Variants in EPB41L2 observed in about 807,000 individuals in gnomAD.
EPB41L2 encodes band 4.1-like protein 2.
In EPB41L2, 43 loss-of-function variants were observed where a neutral mutation model predicts 113.0. The observed-to-expected ratio is 0.38, with a 90% confidence interval of 0.30 to 0.49. The LOEUF (loss-of-function observed/expected upper bound fraction) is 0.49. EPB41L2 is among the 20% of genes least tolerant of loss of function. The probability of loss-of-function intolerance (pLI) is 0.95; values close to 1 mark genes in which losing one functional copy is unlikely to be tolerated. For missense variants in EPB41L2, 1,147 were observed against 1,223.4 expected (o/e 0.94, Z 0.93); for synonymous variants, 442 against 436.7 (o/e 1.01, Z -0.15).
At chr6:130,899,335 C>T (rs1795619200) in intron 8 of EPB41L2, among the ~76,000 whole-genome samples, 156 bp downstream of exon 8, 1 of 151,198 alleles carries the variant, frequency 6.6e-6, no homozygotes, top group Non-Finnish European at 1.5e-5. Flanking sequence ...AACCAAACAC[C>T]CCATAATTAG....
chr6:130,990,807 C>T (rs1781656633), intron 1 of EPB41L2, among the ~76,000 whole-genome samples: 1 of 150,710 alleles, frequency 6.6e-6, no homozygotes, highest in African/African-American at 2.4e-5. Context: ...GTGCTTATAA[C>T]CTTATTAACT....
At chr6:130,873,845 C>T (rs148549823) in intron 14 of EPB41L2, among the ~76,000 whole-genome samples, 2 of 152,164 alleles carry the variant, frequency 1.3e-5, no homozygotes, top group African/African-American at 4.8e-5. Flanking sequence ...GGGTGAGGAG[C>T]GCAGAAAGTG....
intron 1 of EPB41L2, among the ~76,000 whole-genome samples, chr6:131,012,954 T>G (rs1026670210): frequency 5.3e-5 from 8 of 152,218 alleles, no homozygotes; most frequent in Non-Finnish European, 1.0e-4. Flanking sequence ...AGTAACTATT[T>G]TGTATTAATA....
At chr6:131,021,635 TG>T (rs1789513666) in intron 1 of EPB41L2, among the ~76,000 whole-genome samples, 1 of 151,838 alleles carries the variant, frequency 6.6e-6, no homozygotes, top group Non-Finnish European at 1.5e-5. Flanking sequence ...CACTCCTGCC[TG>T]GGCAACAAGA....
At chr6:130,990,010 A>G (rs2128693275) in intron 1 of EPB41L2, among the ~76,000 whole-genome samples, 1 of 152,314 alleles carries the variant, frequency 6.6e-6, no homozygotes, top group South Asian at 2.1e-4. Flanking sequence ...ACATAAAGAC[A>G]TATAACTAAT....
chr6:130,865,782 G>T, intron 16 of EPB41L2, 148 bp from the exon 17 acceptor site: 1 of 763,678 alleles, frequency 1.3e-6, no homozygotes, highest in Non-Finnish European at 2.1e-6. Flanking sequence ...AGAGCGGCTG[G>T]TATTTGAAAC....
intron 5 of EPB41L2, among the ~76,000 whole-genome samples, chr6:130,904,800 C>A (rs1797246996): frequency 2.6e-5 from 4 of 151,970 alleles, no homozygotes; most frequent in Admixed American, 2.6e-4. Context: ...GATACCTCAA[C>A]ATGTGTTTTA....
At chr6:130,994,258 G>A (rs1289297067) in intron 1 of EPB41L2, among the ~76,000 whole-genome samples, 1 of 152,144 alleles carries the variant, frequency 6.6e-6, no homozygotes, top group East Asian at 1.9e-4. Context: ...GGAACCAGGG[G>A]CGGTTAGATC....
At chr6:130,967,323 G>A (rs1775516410) in intron 1 of EPB41L2, among the ~76,000 whole-genome samples, 1 of 152,114 alleles carries the variant, frequency 6.6e-6, no homozygotes, top group Non-Finnish European at 1.5e-5. Context: ...ACATATAAGT[G>A]GACCTATGCA....
Position 130,990,995 on chromosome 6 carries a change from GT to G in EPB41L2, c.-14-34497del, listed in dbSNP as rs914801544. ...GCGCATGCCACCAAGCCTGGCTAAT[GT>G]TTTTTTGTATTTTTAGTAGAGACGG... On this transcript the variant is annotated intron_variant, in intron 1 of 19. Coordinates refer to ENST00000337057, the MANE Select transcript of EPB41L2 (RefSeq NM_001431.4). Among the ~76,000 whole-genome samples the G allele has an allele frequency of 1.1e-4, 12 of 109,350 alleles. No homozygotes were observed. In the East Asian group the frequency reaches 5.9e-3, roughly 54 times the overall value. 71.7% of individuals were successfully genotyped at this position (109,350 alleles called of 152,430 possible). A position where few individuals can be genotyped will look rare whatever the true frequency, so the allele number is the denominator to read the frequency against.
At chr6:130,897,407 A>AT (rs1424841539) in intron 8 of EPB41L2, among the ~76,000 whole-genome samples, 1 of 152,170 alleles carries the variant, frequency 6.6e-6, no homozygotes, top group Non-Finnish European at 1.5e-5. Context: ...GTTATCTTGA[A>AT]TTTTTTTAGT....
chr6:131,053,882 C>T (rs1400621119), intron 1 of EPB41L2, among the ~76,000 whole-genome samples: 1 of 152,188 alleles, frequency 6.6e-6, no homozygotes, highest in Non-Finnish European at 1.5e-5. Context: ...GCTGTGCAGC[C>T]CTTAATTGCC....
chr6:130,970,994 C>T (rs1562628355), intron 1 of EPB41L2, among the ~76,000 whole-genome samples: 4 of 152,160 alleles, frequency 2.6e-5, no homozygotes, highest in South Asian at 4.1e-4. Flanking sequence ...TCAAACAATC[C>T]TCCCACTCCC....
At chr6:130,876,713 T>C (rs1315535012) in intron 14 of EPB41L2, 2 of 1,304,254 alleles carry the variant, frequency 1.5e-6, no homozygotes, top group East Asian at 1.1e-4. Context: ...CTGTCCATAT[T>C]GTCGGCATCA....
chr6:130,973,240 A>T (rs1273058405), intron 1 of EPB41L2, among the ~76,000 whole-genome samples: 1 of 150,982 alleles, frequency 6.6e-6, no homozygotes, highest in Non-Finnish European at 1.5e-5. Flanking sequence ...CTGAAGAGAT[A>T]TTCATCTTTG....
At chr6:130,873,471 T>TG (rs1314147601) in intron 14 of EPB41L2, among the ~76,000 whole-genome samples, 1 of 151,590 alleles carries the variant, frequency 6.6e-6, no homozygotes, top group South Asian at 2.1e-4. Flanking sequence ...TTCAGGTTTT[T>TG]TTTTTTTTTT....
At chr6:130,988,986 G>A (rs1273529991) in intron 1 of EPB41L2, among the ~76,000 whole-genome samples, 1 of 152,202 alleles carries the variant, frequency 6.6e-6, no homozygotes. Flanking sequence ...CTACTCAGCA[G>A]GCTGAGGTGG....
intron 18 of EPB41L2, among the ~76,000 whole-genome samples, chr6:130,858,879 T>C (rs145187709): frequency 6.6e-6 from 1 of 152,348 alleles, no homozygotes; most frequent in East Asian, 1.9e-4. Context: ...GAACAGAGAC[T>C]GACTAATCTT....
intron 1 of EPB41L2, among the ~76,000 whole-genome samples, chr6:130,989,661 C>T (rs7760822): frequency 0.079 from 12,034 of 152,234 alleles, 673 homozygotes; most frequent in African/African-American, 0.15. Flanking sequence ...AGACTAAAAA[C>T]TTAAATGGTT....
Sources: gnomAD v4.1 joint callset for allele counts (sites outside exome capture counted in the v4.1 genomes callset) on GRCh38, gnomAD v4.1.1 for gene constraint, MANE v1.5 for transcripts, NCBI Gene and HGNC (gene_info 2026-07-23, HGNC 2026-07-21) for gene names.